The following MYLK3 variants were observed in gnomAD, a reference collection of about 807,000 sequenced individuals.
MYLK3 encodes the protein myosin light chain kinase 3, also known as MLC kinase.
MYLK3 carries 55 observed loss-of-function variants against 76.3 expected under a neutral mutation model. That is an observed-to-expected ratio of 0.72 (90% CI 0.58 to 0.90). The LOEUF (loss-of-function observed/expected upper bound fraction) is 0.90, where lower values mean the gene tolerates loss of function less well. MYLK3 is among the 40% of genes least tolerant of loss of function. The pLI is 0.00. For missense variants in MYLK3, 973 were observed against 1,053.6 expected (o/e 0.92, Z 1.06); for synonymous variants, 416 against 425.4 (o/e 0.98, Z 0.27).
At chr16:46,737,076 A>G (rs1966871881) in intron 3 of MYLK3, among the ~76,000 whole-genome samples, 1 of 152,086 alleles carries the variant, frequency 6.6e-6, no homozygotes, top group Non-Finnish European at 1.5e-5. Context: ...TTCTCTCCCC[A>G]CCATATTATT....
chr16:46,711,606 G>T (rs1452309567), intron 10 of MYLK3: 1 of 428,842 alleles, frequency 2.3e-6, no homozygotes, highest in Admixed American at 2.6e-5. Context: ...AAACTCCTGG[G>T]CTCAGGCAAT....
chr16:46,741,550 G>A (rs527585278), intron 1 of MYLK3, among the ~76,000 whole-genome samples: 3 of 152,340 alleles, frequency 2.0e-5, no homozygotes, highest in Non-Finnish European at 4.4e-5. Flanking sequence ...ACATGTTACA[G>A]CAGCAGTGCC....
intron 1 of MYLK3, among the ~76,000 whole-genome samples, chr16:46,743,395 G>T (rs1447250146): frequency 6.6e-6 from 1 of 152,160 alleles, no homozygotes; most frequent in Non-Finnish European, 1.5e-5. Context: ...CAGCACTGAC[G>T]ATGTGTTTAG....
intron 10 of MYLK3, among the ~76,000 whole-genome samples, chr16:46,712,317 T>C (rs1966692644): frequency 2.0e-5 from 3 of 152,078 alleles, no homozygotes; most frequent in Admixed American, 2.0e-4. Context: ...ATACAGCTGC[T>C]GAAGCCCAAG....
chr16:46,747,649 C>T (rs1967050893), intron 1 of MYLK3, 68 bp downstream of exon 1: 4 of 1,475,444 alleles, frequency 2.7e-6, no homozygotes, highest in Admixed American at 1.8e-5. Context: ...CAAACACTGG[C>T]TGCCTGGCCA....
At position 46,738,846 on chromosome 16, in the gene MYLK3, T is replaced by C. The variant is rs558597729; in HGVS notation, c.569-703A>G. Among the ~76,000 whole-genome samples, 15 of 152,082 alleles carry C rather than the reference T, an allele frequency of 9.9e-5. No homozygotes were observed. The South Asian group carries it at 3.1e-3, about 32-fold the overall frequency. On this transcript the variant is annotated intron_variant, in intron 2 of 12. Transcript: ENST00000394809. ...AGAAGATAGACTTCTCTTTTATTTG[T>C]TTTTTATTTTTGAGACAGAGTCTTG...
intron 9 of MYLK3, among the ~76,000 whole-genome samples, chr16:46,716,421 T>C (rs1966738944): frequency 6.6e-6 from 1 of 151,880 alleles, no homozygotes; most frequent in African/African-American, 2.4e-5. Context: ...TGTATATATA[T>C]ATATAGCCCG....
intron 1 of MYLK3, among the ~76,000 whole-genome samples, chr16:46,747,164 C>G (rs1298645861): frequency 6.6e-6 from 1 of 152,194 alleles, no homozygotes; most frequent in Admixed American, 6.5e-5. Flanking sequence ...TAGGAACAGC[C>G]GCTCCCAGGA....
At chr16:46,712,538 G>T (rs1333259492) in intron 10 of MYLK3, 110 bp downstream of exon 10, 63 of 1,063,038 alleles carry the variant, frequency 5.9e-5, no homozygotes, top group Non-Finnish European at 7.8e-5. Flanking sequence ...GGTTTCCTGG[G>T]GTTACCTCCC....
chr16:46,742,709 A>AGGT (rs1489121833), intron 1 of MYLK3, among the ~76,000 whole-genome samples: 1 of 152,200 alleles, frequency 6.6e-6, no homozygotes, highest in Non-Finnish European at 1.5e-5. Flanking sequence ...AACAGTAAGG[A>AGGT]CATAGCACAT....
At position 46,705,039 on chromosome 16, in the gene MYLK3, A is replaced by G. The variant is rs1044680928; in HGVS notation, c.*2665T>C. On this transcript the variant is annotated 3_prime_UTR_variant, in exon 13 of 13. Transcript: ENST00000394809. ...AGCAGGCCTAGACTTGCTGGTATTG[A>G]AACTGTTAGTTCCCAACAAGGGTTA... 6.6e-6 allele frequency: 1 copy of G among 152,206 alleles called. No individual in the cohort carries two copies. Among genetic ancestry groups the G allele is most frequent in the Non-Finnish European group, 1.5e-5 (1 of 68,044 alleles). The allele number at this position is 152,206 out of a possible 1,614,324, so 9.4% of individuals were successfully genotyped here.
rs186607608 is a variant in MYLK3, at chr16:46,740,377, C to T, written c.478-230G>A. On this transcript the variant is annotated intron_variant, in intron 1 of 12. Transcript: ENST00000394809. The stretch of plus-strand genomic sequence containing the variant: ...AAAGAGGAGGCGCCCAGCTTCACAC[C>T]CAGAACCACCTCCTTTTCCAGGGCT... Among the ~76,000 whole-genome samples the T allele has an allele frequency of 2.0e-5, 3 of 151,914 alleles. No homozygotes were observed. In the East Asian group the frequency reaches 5.8e-4, roughly 29 times the overall value.
At chr16:46,722,302 T>G (rs1053881621) in intron 8 of MYLK3, among the ~76,000 whole-genome samples, 2 of 152,232 alleles carry the variant, frequency 1.3e-5, no homozygotes, top group African/African-American at 4.8e-5. Flanking sequence ...TCCCCATTCC[T>G]GAAGACTCAA....
chr16:46,723,985 A>G (rs1966825019), intron 8 of MYLK3, among the ~76,000 whole-genome samples: 1 of 152,112 alleles, frequency 6.6e-6, no homozygotes, highest in Admixed American at 6.5e-5. Context: ...TTTACTTTTT[A>G]TTGTAGTCAG....
intron 3 of MYLK3, among the ~76,000 whole-genome samples, chr16:46,734,064 T>A (rs1966858378): frequency 6.6e-6 from 1 of 152,084 alleles, no homozygotes; most frequent in African/African-American, 2.4e-5. Context: ...TGGGTATATA[T>A]CCCAGAGAAT....
intron 9 of MYLK3, among the ~76,000 whole-genome samples, chr16:46,717,755 C>T (rs1966758834): frequency 6.6e-6 from 1 of 152,192 alleles, no homozygotes; most frequent in Non-Finnish European, 1.5e-5. Context: ...CATCCCCTCT[C>T]ACTCCCCACT....
In MYLK3 at chr16:46,754,796, G is replaced by T. The variant is rs1967175961; in HGVS notation, c.-114+8244C>A. On this transcript the variant is annotated intron_variant, in intron 1 of 11. Coordinates refer to the MYLK3 transcript ENST00000536476. The stretch of plus-strand genomic sequence containing the variant: ...GCTGGAAGAGAGGCTGGATGTCAAA[G>T]TCTAGATAGGAAAGCACTTCCCCTT... Among the ~76,000 whole-genome samples the T allele has an allele frequency of 1.3e-5, 2 of 152,166 alleles. 1 individual carries two copies. Among genetic ancestry groups the T allele is most frequent in the Admixed American group, 1.3e-4 (2 of 15,282 alleles).
intron 1 of MYLK3, among the ~76,000 whole-genome samples, chr16:46,759,579 G>A (rs573688196): frequency 1.3e-5 from 2 of 152,148 alleles, no homozygotes; most frequent in South Asian, 2.1e-4. Context: ...ACTGAGGGTA[G>A]TGTCACTGCA....
chr16:46,711,768 A>T (rs1309897913), intron 10 of MYLK3: 2 of 315,624 alleles, frequency 6.3e-6, no homozygotes, highest in Non-Finnish European at 1.3e-5. Context: ...ATTCCACCCC[A>T]TCTCCATTAG....
Sources: gnomAD v4.1 joint callset for allele counts (sites outside exome capture counted in the v4.1 genomes callset) on GRCh38, gnomAD v4.1.1 for gene constraint, MANE v1.5 for transcripts, NCBI Gene and HGNC (gene_info 2026-07-23, HGNC 2026-07-21) for gene names.